CDH23: variants seen among roughly 807,000 people sequenced by gnomAD.
CDH23 encodes cadherin-23.
In CDH23, 189 loss-of-function variants were observed where a neutral mutation model predicts 317.1. The observed-to-expected ratio is 0.60, with a 90% confidence interval of 0.53 to 0.67. CDH23 has a LOEUF of 0.67. Among genes scored for constraint, CDH23 ranks in the 30% least tolerant of loss-of-function variants. The pLI is 0.00. For synonymous variants in CDH23, 1,839 were observed against 1,876.8 expected (o/e 0.98, Z 0.52); for missense variants, 4,401 against 4,592.4 (o/e 0.96, Z 1.20).
intron 9 of CDH23, among the ~76,000 whole-genome samples, chr10:71,601,367 G>A (rs1157666548): frequency 1.3e-5 from 2 of 152,322 alleles, no homozygotes; most frequent in African/African-American, 2.4e-5. Flanking sequence ...GCTGAACTAA[G>A]TAGGATTATT....
At chr10:71,615,416 C>A in intron 9 of CDH23, 88 bp from the exon 10 acceptor site, 1 of 834,242 alleles carries the variant, frequency 1.2e-6, no homozygotes, top group South Asian at 1.4e-5. Flanking sequence ...GAGAGGAGCC[C>A]TGGCCCCAGC....
chr10:71,563,429 T>A (rs1335855254), intron 6 of CDH23, among the ~76,000 whole-genome samples: 1 of 146,672 alleles, frequency 6.8e-6, no homozygotes, highest in Admixed American at 6.8e-5. Context: ...TTGTGGAAGG[T>A]CTTCTGGGGC....
chr10:71,735,095 C>A (rs1839522117), intron 34 of CDH23, among the ~76,000 whole-genome samples: 1 of 152,212 alleles, frequency 6.6e-6, no homozygotes, highest in African/African-American at 2.4e-5. Flanking sequence ...AGGCAGAAAG[C>A]CCTTTGTAAG....
At chr10:71,643,565 C>G (rs867027095) in intron 11 of CDH23, among the ~76,000 whole-genome samples, 44 of 151,688 alleles carry the variant, frequency 2.9e-4, no homozygotes, top group Middle Eastern at 3.4e-3. Context: ...CCTTGCCCCC[C>G]CCTCACCTCC....
At chr10:71,675,937 A>C (rs1589321012) in intron 15 of CDH23, among the ~76,000 whole-genome samples, 8 of 112,156 alleles carry the variant, frequency 7.1e-5, no homozygotes, top group South Asian at 2.7e-4. Flanking sequence ...ACAGAGTCTC[A>C]CTCTGTTGCC....
intron 30 of CDH23, among the ~76,000 whole-genome samples, chr10:71,726,279 G>A (rs538692099): frequency 6.6e-6 from 1 of 152,148 alleles, no homozygotes; most frequent in Non-Finnish European, 1.5e-5. Flanking sequence ...AGGGAGATGG[G>A]AAGAGTCAGG....
Position 71,792,820 on chromosome 10 carries a change from T to TAA in CDH23, c.6254-330_6254-329dup, listed in dbSNP as rs1158593304. Among the ~76,000 whole-genome samples the TAA allele has an allele frequency of 1.5e-3, 73 of 47,838 alleles. 2 individuals are homozygous for TAA. The highest frequency in any genetic ancestry group is 4.6e-3 in the East Asian group (6 of 1,308). The allele number at this position is 47,838 out of a possible 152,430, so 31.4% of individuals were successfully genotyped here. A position where few individuals can be genotyped will look rare whatever the true frequency, so the allele number is the denominator to read the frequency against. ...CTAGGTGACAGTGTAAGACTCCATCTAAAAAAAAAAAAAAAAAAAAAAAAA... is the reference window on the plus strand; with the variant it reads ...CTAGGTGACAGTGTAAGACTCCATCTAAAAAAAAAAAAAAAAAAAAAAAAAAA... On this transcript the variant is annotated intron_variant, in intron 47 of 69. Transcript: ENST00000224721.
At position 71,751,779 on chromosome 10, in the gene CDH23, G is replaced by A. The variant is rs1182351424; in HGVS notation, c.4845+9858G>A. 1 of 1,601,892 alleles carries A rather than the reference G, an allele frequency of 6.2e-7. No individual in the cohort carries two copies. The highest frequency in any genetic ancestry group is 2.2e-5 in the East Asian group (1 of 44,620). On this transcript the variant is annotated intron_variant, in intron 38 of 69. Coordinates refer to ENST00000224721, the MANE Select transcript of CDH23 (RefSeq NM_022124.6). This position sits in a 1 kb window ranked among gnomAD's most constrained non-coding sequence, Gnocchi z 4.9. ...GGCTGCCGCTGGGCCACATAGGACA[G>A]GGGGTGCCTGACTTTGGCCTCGGGT...
At chr10:71,630,752 C>G (rs2132552270) in intron 11 of CDH23, among the ~76,000 whole-genome samples, 1 of 152,260 alleles carries the variant, frequency 6.6e-6, no homozygotes, top group Non-Finnish European at 1.5e-5. Context: ...GAGGGGCTGC[C>G]TCATAGCATT....
intron 1 of CDH23, among the ~76,000 whole-genome samples, chr10:71,398,428 A>AGTGTGTGT (rs143519061): frequency 0.029 from 3,438 of 120,156 alleles, 90 homozygotes; most frequent in Middle Eastern, 0.037. Flanking sequence ...GAGACACAGG[A>AGTGTGTGT]GTGTGTGTGT....
intron 3 of CDH23, among the ~76,000 whole-genome samples, chr10:71,489,594 GGTGTGTGTGTGTGTGTGT>G (rs34392048): frequency 2.1e-5 from 3 of 139,800 alleles, no homozygotes; most frequent in African/African-American, 8.1e-5. Flanking sequence ...AGTGCCTCGG[GGTGTGTGTGTGTGTGTGT>G]GTGTGTGTGT....
At position 71,762,713 on chromosome 10, in the gene CDH23, G is replaced by A. The variant is rs1233515690; in HGVS notation, c.4846-14967G>A. On this transcript the variant is annotated intron_variant, in intron 38 of 69. Coordinates refer to ENST00000224721, the MANE Select transcript of CDH23 (RefSeq NM_022124.6). ...AGTCTTTGGACTTGGTGCATAGATAGGATTTCAGCCAGTAGAAAGGGTGTC... is the reference window on the plus strand; with the variant it reads ...AGTCTTTGGACTTGGTGCATAGATAAGATTTCAGCCAGTAGAAAGGGTGTC... Among the ~76,000 whole-genome samples the A allele has an allele frequency of 2.6e-5, 4 of 152,246 alleles. No homozygotes were observed. The East Asian group carries it at 7.7e-4, about 29-fold the overall frequency.
chr10:71,517,400 G>T (rs1854391794), intron 6 of CDH23, among the ~76,000 whole-genome samples: 1 of 152,236 alleles, frequency 6.6e-6, no homozygotes, highest in South Asian at 2.1e-4. Flanking sequence ...GTGGTGGCCA[G>T]ACAGGGTCCA....
rs141966191 is a variant in CDH23 at position 71,592,266 on chromosome 10, A to G, written c.832+14274A>G. On this transcript the variant is annotated intron_variant, in intron 9 of 69. Coordinates refer to ENST00000224721, the MANE Select transcript of CDH23 (RefSeq NM_022124.6). The stretch of plus-strand genomic sequence containing the variant: ...TCCTCAGCATTGGATCTCCTGGCTC[A>G]GGAACTAGGAACGAAGCTTGGATGT... 6.6e-5 allele frequency among the ~76,000 whole-genome samples: 10 copies of G among 152,334 alleles called. No homozygotes were observed. In the East Asian group the frequency reaches 1.9e-3, roughly 29 times the overall value.
At chr10:71,450,495 C>T (rs1181557492) in intron 3 of CDH23, among the ~76,000 whole-genome samples, 4 of 152,054 alleles carry the variant, frequency 2.6e-5, no homozygotes, top group East Asian at 1.9e-4. Context: ...CTCAAACTCC[C>T]GACCTCAGGT....
intron 23 of CDH23, among the ~76,000 whole-genome samples, 158 bp downstream of exon 23, chr10:71,702,369 C>A (rs960653717): frequency 5.3e-5 from 8 of 152,080 alleles, no homozygotes; most frequent in African/African-American, 7.2e-5. Flanking sequence ...CCTAGAGCAC[C>A]CTGAGGGAAC....
intron 6 of CDH23, among the ~76,000 whole-genome samples, chr10:71,531,820 T>A (rs2420632): frequency 6.6e-6 from 1 of 152,174 alleles, no homozygotes; most frequent in Non-Finnish European, 1.5e-5. Flanking sequence ...CAGGGTCAGC[T>A]TTGAACCAAG....
At chr10:71,559,561 C>G (rs549646812) in intron 6 of CDH23, among the ~76,000 whole-genome samples, 21 of 152,138 alleles carry the variant, frequency 1.4e-4, no homozygotes, top group Non-Finnish European at 2.6e-4. Flanking sequence ...TTCAGGGATT[C>G]CAAAAAGCCA....
chr10:71,778,665 A>T (rs1162829912), intron 40 of CDH23, among the ~76,000 whole-genome samples: 1 of 152,238 alleles, frequency 6.6e-6, no homozygotes, highest in African/African-American at 2.4e-5. Context: ...TGAAAGGAGG[A>T]CAATACAAAC....
Sources: allele counts gnomAD v4.1 joint callset (sites outside exome capture counted in the v4.1 genomes callset), GRCh38; gene constraint gnomAD v4.1.1; non-coding constraint Gnocchi (gnomAD v3.1); transcripts MANE v1.5; gene names NCBI Gene and HGNC (gene_info 2026-07-23, HGNC 2026-07-21).